ATCAY: variants seen among roughly 807,000 people sequenced by gnomAD.
ATCAY encodes caytaxin.
In ATCAY, 22 loss-of-function variants were observed where a neutral mutation model predicts 47.7. The ratio of observed to expected loss-of-function variants is 0.46; its 90% CI spans 0.33 to 0.66. The LOEUF is 0.66. Among genes scored for constraint, ATCAY ranks in the 30% least tolerant of loss-of-function variants. The pLI is 0.02. For synonymous variants in ATCAY, 216 were observed against 207.6 expected, an observed-to-expected ratio of 1.04 and a Z score of -0.35; for missense variants, 452 against 515.0, an observed-to-expected ratio of 0.88 and a Z score of 1.18.
chr19:3,883,113 G>A (rs1473611538), intron 1 of ATCAY, among the ~76,000 whole-genome samples: 1 of 152,004 alleles, frequency 6.6e-6, no homozygotes, highest in Non-Finnish European at 1.5e-5. Context: ...CCGGCAGGGT[G>A]GCTCACACCT....
At chr19:3,889,049 C>T (rs570825323) in intron 2 of ATCAY, among the ~76,000 whole-genome samples, 37 of 152,234 alleles carry the variant, frequency 2.4e-4, no homozygotes, top group Non-Finnish European at 3.8e-4. Context: ...GCGGGAGGAT[C>T]GCTTGAGCCC....
chr19:3,909,656 G>A, intron 7 of ATCAY, 39 bp downstream of exon 7: 1 of 1,550,948 alleles, frequency 6.4e-7, no homozygotes, highest in Non-Finnish European at 8.7e-7. Flanking sequence ...GTGGGGGCAT[G>A]AAAATCACAC....
intron 12 of ATCAY, among the ~76,000 whole-genome samples, chr19:3,923,836 GTGGATGGA>G (rs533757647): frequency 7.4e-6 from 1 of 135,960 alleles, no homozygotes; most frequent in Non-Finnish European, 1.6e-5. Context: ...GGGTGGGTGG[GTGGATGGA>G]TGGATGGATG....
chr19:3,892,198 C>T (rs1256289757), intron 2 of ATCAY, among the ~76,000 whole-genome samples: 1 of 150,400 alleles, frequency 6.6e-6, no homozygotes. Context: ...CTGCTTGTAA[C>T]TTTTTAATTT....
At position 3,884,521 on chromosome 19, in the gene ATCAY, T is replaced by C. The variant is rs968414183; in HGVS notation, c.-41-1206T>C. 3.3e-5 allele frequency among the ~76,000 whole-genome samples: 5 copies of C among 152,246 alleles called. No homozygotes were observed. In the South Asian group the frequency reaches 1.0e-3, roughly 32 times the overall value. ...AACTTGGCATTCCCAGCACGGAAGC[T>C]GAAGTATATCAGCCATTCACACTTT... On this transcript the variant is annotated intron_variant, in intron 1 of 12. Transcript: ENST00000450849.
Position 3,907,979 on chromosome 19 carries a change from G to T in ATCAY, c.544+60G>T. On this transcript the variant is annotated intron_variant, in intron 5 of 12. Transcript: ENST00000450849. The surrounding 1 kb of genome is among the most constrained non-coding windows in gnomAD (Gnocchi z 5.1). ...CAGCCCGGCCCACTGGGCAACAGGG[G>T]GTTCGTCAGTGCCCCTCTCTGATGC... is the stretch of plus-strand genomic sequence containing the variant. The T allele has an allele frequency of 1.3e-6, 2 of 1,564,794 alleles. No individual in the cohort carries two copies. Among genetic ancestry groups the T allele is most frequent in the East Asian group, 2.4e-5 (1 of 42,498 alleles).
intron 2 of ATCAY, 44 bp from the exon 3 acceptor site, chr19:3,902,443 T>G: frequency 6.5e-7 from 1 of 1,549,786 alleles, no homozygotes; most frequent in Non-Finnish European, 8.7e-7. Flanking sequence ...TGCCTGAATC[T>G]CTGGTGCCCG....
chr19:3,883,192 A>G lies in ATCAY; in HGVS notation c.-42+2184A>G, dbSNP rs187446216. ...AGTTCGAGACCAGCCTGGCCAATAT[A>G]GTGAAACCCCATCTCTACTAAAAAT... On this transcript the variant is annotated intron_variant, in intron 1 of 12. Coordinates refer to ENST00000450849, the MANE Select transcript of ATCAY (RefSeq NM_033064.5). Among the ~76,000 whole-genome samples the G allele has an allele frequency of 3.3e-3, 505 of 152,234 alleles. 1 individual carries two copies. Among genetic ancestry groups the G allele is most frequent in the African/African-American group, 0.012 (497 of 41,556 alleles).
chr19:3,903,287 G>C (rs993596561), intron 3 of ATCAY, among the ~76,000 whole-genome samples: 2 of 151,604 alleles, frequency 1.3e-5, no homozygotes, highest in African/African-American at 4.8e-5. Context: ...TTTTTCTTCA[G>C]CAGAGGAAAA....
At chr19:3,908,072 A>T (rs140838756) in intron 5 of ATCAY, among the ~76,000 whole-genome samples, 153 bp downstream of exon 5, 12 of 152,246 alleles carry the variant, frequency 7.9e-5, no homozygotes, top group Non-Finnish European at 1.2e-4. Context: ...ATGGTCAGGG[A>T]GGCGCACTGG....
chr19:3,919,384 G>T (rs1417073081), intron 11 of ATCAY, among the ~76,000 whole-genome samples: 2 of 151,794 alleles, frequency 1.3e-5, no homozygotes, highest in African/African-American at 2.4e-5. Context: ...ACAAGGCCAA[G>T]AGATCGAGAC....
rs1163776081 is a variant in ATCAY at position 3,905,541 on chromosome 19, G to A, written c.244G>A (p.Asp82Asn). 3.1e-6 allele frequency: 5 copies of A among 1,613,942 alleles called. No homozygotes were observed. The highest frequency in any genetic ancestry group is 1.1e-5 in the South Asian group (1 of 91,076). The change falls in exon 4 of 13, where the codon GAT (aspartate) becomes AAT (asparagine). Residue 82 changes from aspartate (D) to asparagine (N), a missense_variant. Asp to Asn is a conservative substitution (Grantham distance 23). Transcript: ENST00000450849. Reference sequence around the variant, plus strand: ...TCAGAGTGAGGGGTCCCTGCTGTCCGATGACTTCTTGGATACCCCTGATGA... The same window carrying A: ...TCAGAGTGAGGGGTCCCTGCTGTCCAATGACTTCTTGGATACCCCTGATGA... ...LDQSEGSLLS[D>N]DFLDTPDDLD... is the part of the protein sequence containing the mutation.
intron 1 of ATCAY, among the ~76,000 whole-genome samples, chr19:3,882,117 C>G (rs1175140257): frequency 6.6e-6 from 1 of 152,070 alleles, no homozygotes; most frequent in Non-Finnish European, 1.5e-5. Context: ...GATATCTATG[C>G]TGGGGGGCTG....
intron 9 of ATCAY, among the ~76,000 whole-genome samples, chr19:3,915,339 ATTTT>A (rs55746542): frequency 2.4e-5 from 3 of 127,228 alleles, no homozygotes; most frequent in Non-Finnish European, 1.7e-5. Context: ...TGCCTGGCTA[ATTTT>A]TTTTTTTTTT....
At chr19:3,905,381 A>G (rs1346468065) in intron 3 of ATCAY, 53 bp from the exon 4 acceptor site, 1 of 1,485,826 alleles carries the variant, frequency 6.7e-7, no homozygotes, top group Admixed American at 2.2e-5. Flanking sequence ...AAATGGGGGG[A>G]AGGTAAAAGA....
chr19:3,913,900 G>T, intron 9 of ATCAY, 44 bp downstream of exon 9: 1 of 1,550,038 alleles, frequency 6.5e-7, no homozygotes, highest in African/African-American at 1.4e-5. Context: ...GTCTGTTTTC[G>T]TGCTGCTGAT....
chr19:3,881,096 C>T (rs1458486135), intron 1 of ATCAY, 88 bp downstream of exon 1: 1 of 152,194 alleles, frequency 6.6e-6, no homozygotes, highest in Non-Finnish European at 1.5e-5. Flanking sequence ...AAATCCCTTT[C>T]CAGCAGATGG....
intron 2 of ATCAY, among the ~76,000 whole-genome samples, chr19:3,886,460 GGCGCCTGTAGTCCCA>G: frequency 1.3e-5 from 2 of 152,008 alleles, no homozygotes; most frequent in South Asian, 4.2e-4. Flanking sequence ...GTGTGTGGCA[GGCGCCTGTAGTCCCA>G]GCTACTCGGG....
At chr19:3,886,581 T>A (rs1599274875) in intron 2 of ATCAY, among the ~76,000 whole-genome samples, 3 of 139,016 alleles carry the variant, frequency 2.2e-5, no homozygotes. Flanking sequence ...CAGGTGAGAC[T>A]CCATCTCAAA....
Sources: allele counts gnomAD v4.1 joint callset (sites outside exome capture counted in the v4.1 genomes callset), GRCh38; gene constraint gnomAD v4.1.1; non-coding constraint Gnocchi (gnomAD v3.1); transcripts MANE v1.5; gene names NCBI Gene and HGNC (gene_info 2026-07-23, HGNC 2026-07-21).